TESMIN: variants seen among roughly 807,000 people sequenced by gnomAD.
TESMIN encodes testis expressed metallothionein like protein, also known as CXC domain containing 2.
In TESMIN, 34 loss-of-function variants were observed where a neutral mutation model predicts 47.4. The observed-to-expected ratio is 0.72, with a 90% CI of 0.55 to 0.96. The LOEUF (loss-of-function observed/expected upper bound fraction) is 0.96. Ranked by LOEUF, TESMIN falls within the 40% of genes least tolerant of loss-of-function variation. The pLI, the probability that TESMIN is intolerant of heterozygous loss-of-function variation, is 0.00. For missense variants in TESMIN, 610 were observed against 637.2 expected (o/e 0.96, Z 0.46); for synonymous variants, 278 against 258.9 (o/e 1.07, Z -0.71).
chr11:68,738,680 G>A lies in TESMIN; in HGVS notation c.917+20C>T, dbSNP rs1472647635. The A allele has an allele frequency of 1.2e-6, 2 of 1,613,398 alleles. No individual in the cohort carries two copies. Among genetic ancestry groups the A allele is most frequent in the Middle Eastern group, 1.7e-4 (1 of 6,056 alleles). ...TAAATTATTACATTAGAGTGACAATGTATTGCTTCTAATCCTTACCCAGCC... is the reference window on the plus strand; with the variant it reads ...TAAATTATTACATTAGAGTGACAATATATTGCTTCTAATCCTTACCCAGCC... On this transcript the variant is annotated intron_variant, in intron 6 of 9. Transcript: ENST00000255087.
chr11:68,717,317 C>T (rs115003352), intron 6 of TESMIN, among the ~76,000 whole-genome samples: 2,017 of 152,252 alleles, frequency 0.013, 34 homozygotes, highest in African/African-American at 0.046. Context: ...CCTAGGGACC[C>T]GGAGCTTGGG....
Position 68,713,289 on chromosome 11 carries a change from T to C in TESMIN, c.1139A>G (p.Asn380Ser). Reference protein sequence around the residue: ...CNCRRSGCLKNYCECYEAQIM... With the variant: ...CNCRRSGCLKSYCECYEAQIM... ...ACTAACCTCATAGCACTCGCAGTAA[T>C]TCTTCAGGCAGCCTGACCTCCTGCA... The change falls in exon 8 of 10, where the codon AAT becomes AGT. Residue 380 changes from asparagine (N) to serine (S), a missense_variant. Asn to Ser is a conservative substitution (Grantham distance 46). Transcript: ENST00000255087. The C allele has an allele frequency of 1.2e-6, 2 of 1,614,174 alleles. No homozygotes were observed. Among genetic ancestry groups the C allele is most frequent in the Non-Finnish European group, 1.7e-6 (2 of 1,180,016 alleles).
chr11:68,706,020 C>G (rs1301300458), downstream of TESMIN, among the ~76,000 whole-genome samples: 1 of 68,872 alleles, frequency 1.5e-5, no homozygotes, highest in Non-Finnish European at 2.7e-5. Context: ...GAGACTCCGT[C>G]TCAAAAAAAA....
chr11:68,725,525 T>G (rs370706343), intron 6 of TESMIN, among the ~76,000 whole-genome samples: 71 of 152,266 alleles, frequency 4.7e-4, no homozygotes, highest in African/African-American at 1.7e-3. Context: ...GAGAGGGTGA[T>G]GATACTGTTC....
At chr11:68,730,877 A>G (rs1206263746) in intron 6 of TESMIN, among the ~76,000 whole-genome samples, 2 of 152,208 alleles carry the variant, frequency 1.3e-5, no homozygotes, top group African/African-American at 2.4e-5. Flanking sequence ...TTCAGTTTAC[A>G]TCAACACCAT....
intron 6 of TESMIN, 59 bp from the exon 7 acceptor site, chr11:68,715,998 G>C: frequency 8.8e-7 from 1 of 1,130,104 alleles, no homozygotes. Flanking sequence ...GTAGTGAAAA[G>C]AAGAGCACAC....
At chr11:68,749,106 C>T (rs1434403035) in intron 2 of TESMIN, among the ~76,000 whole-genome samples, 5 of 152,234 alleles carry the variant, frequency 3.3e-5, no homozygotes, top group Non-Finnish European at 7.3e-5. Context: ...GACACCAATC[C>T]GGCTGGGCAG....
chr11:68,741,548 T>C (rs796884819), intron 5 of TESMIN, among the ~76,000 whole-genome samples: 17 of 152,358 alleles, frequency 1.1e-4, no homozygotes, highest in African/African-American at 3.8e-4. Flanking sequence ...CAGTAAAATG[T>C]AAGCTGCAGG....
chr11:68,748,337 T>G (rs191040290), intron 2 of TESMIN, among the ~76,000 whole-genome samples: 3 of 152,362 alleles, frequency 2.0e-5, no homozygotes, highest in Admixed American at 6.5e-5. Context: ...TTAAAAGAGA[T>G]AAAGTTTAGC....
At chr11:68,710,109 G>A (rs947913084) in intron 9 of TESMIN, among the ~76,000 whole-genome samples, 2 of 152,118 alleles carry the variant, frequency 1.3e-5, no homozygotes, top group Admixed American at 1.3e-4. Flanking sequence ...CGTGAGCTGT[G>A]ATCGCACCAC....
At chr11:68,746,250 C>T (rs1033298718) in intron 3 of TESMIN, among the ~76,000 whole-genome samples, 10 of 152,186 alleles carry the variant, frequency 6.6e-5, no homozygotes, top group African/African-American at 9.7e-5. Context: ...CTCCTGGGCC[C>T]TATCCACATG....
intron 3 of TESMIN, among the ~76,000 whole-genome samples, chr11:68,745,885 G>A (rs1240055680): frequency 1.3e-5 from 2 of 152,162 alleles, no homozygotes; most frequent in Admixed American, 1.3e-4. Context: ...GTGGCATGTG[G>A]GGATAGAAAG....
chr11:68,741,638 G>A (rs1043670669), intron 5 of TESMIN, among the ~76,000 whole-genome samples: 1 of 152,208 alleles, frequency 6.6e-6, no homozygotes, highest in Non-Finnish European at 1.5e-5. Context: ...GGGTGAGTGG[G>A]TGCCCTACAT....
chr11:68,723,509 G>A (rs1294536452), intron 6 of TESMIN, among the ~76,000 whole-genome samples: 1 of 143,486 alleles, frequency 7.0e-6, no homozygotes, highest in Non-Finnish European at 1.5e-5. Context: ...AATAAGGTAA[G>A]CAGTTAACAC....
intron 6 of TESMIN, among the ~76,000 whole-genome samples, chr11:68,735,782 A>G (rs947473681): frequency 2.4e-4 from 37 of 152,238 alleles, no homozygotes; most frequent in Admixed American, 2.4e-3. Context: ...CACAGATGGA[A>G]GAAGTGAAAA....
chr11:68,748,766 GA>G (rs1201910978), intron 2 of TESMIN, among the ~76,000 whole-genome samples: 1 of 152,190 alleles, frequency 6.6e-6, no homozygotes, highest in Non-Finnish European at 1.5e-5. Context: ...TAGTTTGTCA[GA>G]CCAGCAATCT....
At chr11:68,711,421 G>A (rs1048434754) in intron 8 of TESMIN, among the ~76,000 whole-genome samples, 2 of 133,042 alleles carry the variant, frequency 1.5e-5, no homozygotes, top group African/African-American at 5.4e-5. Flanking sequence ...GACTGTGTGT[G>A]TTTGAATGTG....
chr11:68,745,315 A>G (rs928429574), intron 3 of TESMIN, among the ~76,000 whole-genome samples: 6 of 151,866 alleles, frequency 4.0e-5, no homozygotes, highest in African/African-American at 7.2e-5. Context: ...AAAAAAAAAA[A>G]AAAAAGAAAA....
intron 4 of TESMIN, 39 bp downstream of exon 4, chr11:68,744,952 C>T (rs781682081): frequency 1.4e-6 from 2 of 1,464,608 alleles, no homozygotes; most frequent in Non-Finnish European, 1.8e-6. Context: ...TACCAACTTA[C>T]ATATATGACA....
Sources: gnomAD v4.1 joint callset for allele counts (sites outside exome capture counted in the v4.1 genomes callset) on GRCh38, gnomAD v4.1.1 for gene constraint, MANE v1.5 for transcripts, NCBI Gene and HGNC (gene_info 2026-07-23, HGNC 2026-07-21) for gene names.